Variants in FMN2 observed in about 807,000 individuals in gnomAD.
The protein encoded by FMN2 is formin 2, also known as formin-2.
Under a neutral mutation model 142.3 loss-of-function variants are expected in FMN2, and 51 were observed. That is an observed-to-expected ratio of 0.36 (90% confidence interval 0.29 to 0.45). The LOEUF is 0.45. Among genes scored for constraint, FMN2 ranks in the 20% least tolerant of loss-of-function variants. The pLI is 1.00. For synonymous variants in FMN2, 882 were observed against 869.8 expected (o/e 1.01, Z -0.25); for missense variants, 1,936 against 2,122.8 (o/e 0.91, Z 1.73).
intron 7 of FMN2, among the ~76,000 whole-genome samples, chr1:240,271,834 A>G (rs558714682): frequency 1.3e-5 from 2 of 152,296 alleles, no homozygotes; most frequent in East Asian, 1.9e-4. Flanking sequence ...AATACCTCAT[A>G]TGTCTTTTGA....
At chr1:240,461,235 A>G (rs1273077184) in intron 16 of FMN2, among the ~76,000 whole-genome samples, 1 of 152,232 alleles carries the variant, frequency 6.6e-6, no homozygotes, top group Non-Finnish European at 1.5e-5. Context: ...CAAGTCTGCC[A>G]CAAATTAGTG....
At chr1:240,120,368 C>T (rs1439270772) in intron 1 of FMN2, among the ~76,000 whole-genome samples, 1 of 152,144 alleles carries the variant, frequency 6.6e-6, no homozygotes, top group African/African-American at 2.4e-5. Flanking sequence ...CGACAGAGAC[C>T]TTACGTGTGG....
intron 16 of FMN2, among the ~76,000 whole-genome samples, chr1:240,468,206 A>ATATGTGTGTG (rs374934885): frequency 0.11 from 15,751 of 147,882 alleles, 985 homozygotes; most frequent in Middle Eastern, 0.21. Context: ...ATATATATAT[A>ATATGTGTGTG]TGTGTGTGTG....
At chr1:240,444,311 C>T (rs1558110472) in intron 16 of FMN2, among the ~76,000 whole-genome samples, 1 of 152,086 alleles carries the variant, frequency 6.6e-6, no homozygotes, top group East Asian at 1.9e-4. Flanking sequence ...GGAATTCTGC[C>T]CAGAGGACTT....
chr1:240,205,611 G>A (rs1243285943), intron 4 of FMN2, among the ~76,000 whole-genome samples: 6 of 151,676 alleles, frequency 4.0e-5, no homozygotes, highest in African/African-American at 7.3e-5. Context: ...ACAGGCACCC[G>A]CCACCACGCC....
chr1:240,135,571 C>T (rs543106720), intron 2 of FMN2, among the ~76,000 whole-genome samples: 1 of 152,112 alleles, frequency 6.6e-6, no homozygotes, highest in East Asian at 1.9e-4. Context: ...AATTATGTCC[C>T]CTCTGTTTGT....
chr1:240,396,303 CGTGTGTGTGTGTGTGT>C (rs57641655), intron 15 of FMN2, among the ~76,000 whole-genome samples: 7 of 142,742 alleles, frequency 4.9e-5, no homozygotes, highest in Non-Finnish European at 7.7e-5. Flanking sequence ...CCGAGGTTTT[CGTGTGTGTGTGTGTGT>C]GTGTGTGTGT....
At chr1:240,367,665 G>A (rs1317059563) in intron 14 of FMN2, among the ~76,000 whole-genome samples, 4 of 151,244 alleles carry the variant, frequency 2.6e-5, no homozygotes, top group Non-Finnish European at 5.9e-5. Flanking sequence ...CTACTCGGGA[G>A]GCTGAGGCAA....
rs144120902 is a variant in FMN2 at position 240,288,624 on chromosome 1, G to T, written c.4154-6198G>T. On this transcript the variant is annotated intron_variant, in intron 7 of 17. Coordinates refer to ENST00000319653, the MANE Select transcript of FMN2 (RefSeq NM_020066.5). ...GATATTCCCTAGCCCTTATATGTGG[G>T]CTACACTCACGACTCACACTGAATA... 5.8e-3 allele frequency among the ~76,000 whole-genome samples: 885 copies of T among 152,074 alleles called. 10 individuals carry two copies. The highest frequency in any genetic ancestry group is 0.02 in the African/African-American group (842 of 41,482).
rs576723265 is a variant in FMN2 at position 240,396,857 on chromosome 1, A to G, written c.4910+4295A>G. ...ATTTTCTTTATGCAGTCCACTGCTG[A>G]TGGGCACCTGGGTTGATTCCATGTC... On this transcript the variant is annotated intron_variant, in intron 15 of 17. Transcript: ENST00000319653. Among the ~76,000 whole-genome samples, 147 of 152,316 alleles carry G rather than the reference A, an allele frequency of 9.7e-4. 1 individual carries two copies. The highest frequency in any genetic ancestry group is 4.5e-3 in the Admixed American group (69 of 15,302).
intron 6 of FMN2, among the ~76,000 whole-genome samples, chr1:240,218,571 A>AT (rs1666993031): frequency 6.6e-6 from 1 of 151,538 alleles, no homozygotes; most frequent in African/African-American, 2.4e-5. Context: ...CTAAAAAAAA[A>AT]AAAATTTTAT....
intron 6 of FMN2, among the ~76,000 whole-genome samples, chr1:240,257,440 A>G (rs868628736): frequency 6.6e-6 from 1 of 152,200 alleles, no homozygotes; most frequent in African/African-American, 2.4e-5. Flanking sequence ...CCCAAGTGAA[A>G]GCACTTTTTT....
At chr1:240,147,658 T>C (rs1056287914) in intron 2 of FMN2, among the ~76,000 whole-genome samples, 4 of 152,146 alleles carry the variant, frequency 2.6e-5, no homozygotes, top group Non-Finnish European at 4.4e-5. Context: ...GCACCTGGCC[T>C]TGATTTTTAA....
intron 8 of FMN2, among the ~76,000 whole-genome samples, chr1:240,297,113 G>C (rs893082281): frequency 6.6e-6 from 1 of 152,088 alleles, no homozygotes; most frequent in Non-Finnish European, 1.5e-5. Flanking sequence ...ATGTTGGTGT[G>C]TGTGTATCTA....
intron 15 of FMN2, among the ~76,000 whole-genome samples, chr1:240,433,274 A>G (rs987366062): frequency 1.3e-5 from 2 of 152,074 alleles, no homozygotes; most frequent in South Asian, 2.1e-4. Flanking sequence ...CAACTTTGCT[A>G]TGGTTAGTGT....
At chr1:240,325,279 G>GC (rs1012096019) in intron 8 of FMN2, among the ~76,000 whole-genome samples, 74 of 148,030 alleles carry the variant, frequency 5.0e-4, no homozygotes, top group African/African-American at 1.8e-3. Context: ...AGAGGTCAAG[G>GC]CTGCAGTAAG....
intron 13 of FMN2, among the ~76,000 whole-genome samples, chr1:240,347,068 C>A (rs1217857964): frequency 6.6e-6 from 1 of 152,000 alleles, no homozygotes; most frequent in Non-Finnish European, 1.5e-5. Flanking sequence ...GAAACATAAC[C>A]CATTAATTTT....
intron 8 of FMN2, among the ~76,000 whole-genome samples, chr1:240,302,735 T>TCAGA (rs1219960785): frequency 6.6e-6 from 1 of 152,068 alleles, no homozygotes; most frequent in African/African-American, 2.4e-5. Context: ...TTTCCAACCA[T>TCAGA]CAGACACATT....
At chr1:240,288,857 C>A (rs1669682268) in intron 7 of FMN2, among the ~76,000 whole-genome samples, 1 of 152,114 alleles carries the variant, frequency 6.6e-6, no homozygotes, top group Admixed American at 6.6e-5. Flanking sequence ...GCCTGAGGAA[C>A]TGAATCCTGC....
Sources: gnomAD v4.1 joint callset for allele counts (sites outside exome capture counted in the v4.1 genomes callset) on GRCh38, gnomAD v4.1.1 for gene constraint, MANE v1.5 for transcripts, NCBI Gene and HGNC (gene_info 2026-07-23, HGNC 2026-07-21) for gene names.